The following TENM3 variants were observed in gnomAD, a reference collection of about 807,000 sequenced individuals.
TENM3 encodes the protein teneurin transmembrane protein 3.
Under a neutral mutation model 255.1 loss-of-function variants are expected in TENM3, and 63 were observed. The observed-to-expected ratio is 0.25, with a 90% confidence interval of 0.20 to 0.30. The LOEUF (loss-of-function observed/expected upper bound fraction) is 0.30, where lower values mean the gene tolerates loss of function less well. Among genes scored for constraint, TENM3 ranks in the 10% least tolerant of loss-of-function variants. The pLI is 1.00. For missense variants in TENM3, 2,929 were observed against 3,461.1 expected (o/e 0.85, Z 3.86); for synonymous variants, 1,306 against 1,322.3 (o/e 0.99, Z 0.27).
the TENM3 span, among the ~76,000 whole-genome samples, chr4:181,780,141 G>A: frequency 0.058 from 8,760 of 152,130 alleles, 475 homozygotes; most frequent in African/African-American, 0.14. Flanking sequence ...TAATCCTTTG[G>A]GTATATCCCC....
Position 182,734,666 on chromosome 4 carries a change from T to C in TENM3, c.2968-2142T>C, listed in dbSNP as rs559413235. Among the ~76,000 whole-genome samples, 3 of 152,262 alleles carry C rather than the reference T, an allele frequency of 2.0e-5. No homozygotes were observed. The East Asian group carries it at 5.8e-4, about 29-fold the overall frequency. On this transcript the variant is annotated intron_variant, in intron 16 of 27. Transcript: ENST00000511685. ...TGTTTAACGGGATCAGGAATAGGAT[T>C]TAAAGCTCACGCAGCTGGCAAGAGT...
the TENM3 span, among the ~76,000 whole-genome samples, chr4:181,910,133 C>T: frequency 7.2e-5 from 11 of 152,228 alleles, no homozygotes; most frequent in African/African-American, 2.4e-4. Context: ...CTAAGTTGGT[C>T]ATTTTATCAG....
chr4:182,697,293 C>A (rs143976575), intron 12 of TENM3, among the ~76,000 whole-genome samples: 10 of 152,288 alleles, frequency 6.6e-5, no homozygotes, highest in African/African-American at 1.7e-4. Context: ...CCTCCTGGCA[C>A]ATGAATAGTC....
At position 182,470,883 on chromosome 4, in the gene TENM3, TACA is replaced by T. The variant is rs1580665904; in HGVS notation, c.511+123959_511+123961del. ...TAGCTCTGAAACTTTTCCATTTGAA[TACA>T]ACAATTACCGGGTGTTCAGGAAATT... On this transcript the variant is annotated intron_variant, in intron 3 of 27. Coordinates refer to ENST00000511685, the MANE Select transcript of TENM3 (RefSeq NM_001080477.4). Among the ~76,000 whole-genome samples, 6 of 152,336 alleles carry T rather than the reference TACA, an allele frequency of 3.9e-5. No homozygotes were observed. The South Asian group carries it at 1.2e-3, about 32-fold the overall frequency.
the TENM3 span, among the ~76,000 whole-genome samples, chr4:181,493,678 A>G: frequency 6.6e-6 from 1 of 152,150 alleles, no homozygotes; most frequent in Non-Finnish European, 1.5e-5. Context: ...CAAGAGGCGC[A>G]GGATACAGTG....
chr4:181,632,846 T>C, the TENM3 span, among the ~76,000 whole-genome samples: 1 of 152,192 alleles, frequency 6.6e-6, no homozygotes, highest in East Asian at 1.9e-4. Context: ...CCTTTTGAGT[T>C]GGAAATCTCA....
chr4:181,816,400 C>T, the TENM3 span, among the ~76,000 whole-genome samples: 1 of 152,210 alleles, frequency 6.6e-6, no homozygotes, highest in Admixed American at 6.5e-5. Context: ...CTATCCCCTG[C>T]TGTCTTGACA....
At chr4:181,705,004 C>A in the TENM3 span, among the ~76,000 whole-genome samples, 2 of 150,676 alleles carry the variant, frequency 1.3e-5, no homozygotes, top group Non-Finnish European at 3.0e-5. Flanking sequence ...ACTTGGCACT[C>A]CAGCCTGGGT....
chr4:182,680,814 G>C, intron 10 of TENM3, 77 bp downstream of exon 10: 1 of 1,192,276 alleles, frequency 8.4e-7, no homozygotes. Context: ...CTTTAGTTGG[G>C]CAGATCTCTT....
intron 3 of TENM3, among the ~76,000 whole-genome samples, chr4:182,364,919 A>C (rs1468699397): frequency 6.6e-6 from 1 of 152,196 alleles, no homozygotes; most frequent in African/African-American, 2.4e-5. Flanking sequence ...TTATTACCTT[A>C]GGATAAATTC....
At chr4:182,304,046 G>T (rs1044798897) in intron 1 of TENM3, among the ~76,000 whole-genome samples, 1 of 151,562 alleles carries the variant, frequency 6.6e-6, no homozygotes, top group Non-Finnish European at 1.5e-5. Flanking sequence ...TAGCATTTTT[G>T]CTAGATCATC....
the TENM3 span, among the ~76,000 whole-genome samples, chr4:181,523,497 G>A: frequency 6.6e-6 from 1 of 152,086 alleles, no homozygotes; most frequent in East Asian, 1.9e-4. Context: ...ACAGTGAAAG[G>A]ACTAGAAATA....
At chr4:182,427,521 G>GA in intron 3 of TENM3, among the ~76,000 whole-genome samples, 1 of 152,196 alleles carries the variant, frequency 6.6e-6, no homozygotes, top group East Asian at 1.9e-4. Flanking sequence ...TTAATTTACT[G>GA]AAAAATGCTC....
the TENM3 span, among the ~76,000 whole-genome samples, chr4:181,938,493 T>C: frequency 2.6e-5 from 4 of 152,242 alleles, no homozygotes; most frequent in Non-Finnish European, 5.9e-5. Context: ...TAAATTGTCA[T>C]TATTATATGT....
At chr4:182,797,387 C>T (rs368726417) in intron 27 of TENM3, among the ~76,000 whole-genome samples, 27 of 151,618 alleles carry the variant, frequency 1.8e-4, no homozygotes, top group Non-Finnish European at 2.1e-4. Context: ...TGCAGTGACC[C>T]GAGATCACGC....
chr4:182,420,034 A>G (rs1168567553), intron 3 of TENM3, among the ~76,000 whole-genome samples: 1 of 152,098 alleles, frequency 6.6e-6, no homozygotes, highest in South Asian at 2.1e-4. Flanking sequence ...AATAATAAAA[A>G]GAAATACTGT....
chr4:181,497,823 A>C, the TENM3 span, among the ~76,000 whole-genome samples: 13 of 152,220 alleles, frequency 8.5e-5, no homozygotes, highest in Admixed American at 8.5e-4. Flanking sequence ...GCTAACCAAG[A>C]ATAAGTTCAA....
the TENM3 span, among the ~76,000 whole-genome samples, chr4:181,488,271 T>C: frequency 0.093 from 14,165 of 152,272 alleles, 813 homozygotes; most frequent in South Asian, 0.23. Flanking sequence ...ATGCATTCTA[T>C]AGGTGGAAGA....
At chr4:181,927,474 TTCCTGCTC>T in the TENM3 span, among the ~76,000 whole-genome samples, 3 of 152,216 alleles carry the variant, frequency 2.0e-5, no homozygotes, top group South Asian at 2.1e-4. Flanking sequence ...CCTCTCTAGA[TTCCTGCTC>T]TCTGGGCAGG....
Sources: gnomAD v4.1 joint callset for allele counts (sites outside exome capture counted in the v4.1 genomes callset) on GRCh38, gnomAD v4.1.1 for gene constraint, MANE v1.5 for transcripts, NCBI Gene and HGNC (gene_info 2026-07-23, HGNC 2026-07-21) for gene names.